LPP: variants seen among roughly 807,000 people sequenced by gnomAD.
The protein encoded by LPP is lipoma-preferred partner.
In LPP, 38 loss-of-function variants were observed where a neutral mutation model predicts 60.4. The observed-to-expected ratio is 0.63, with a 90% CI of 0.49 to 0.83. The LOEUF is 0.83. Among genes scored for constraint, LPP ranks in the 40% least tolerant of loss-of-function variants. The probability of loss-of-function intolerance (pLI) is 0.00; values close to 1 mark genes in which losing one functional copy is unlikely to be tolerated. For synonymous variants in LPP, 328 were observed against 290.8 expected (o/e 1.13, Z -1.30); for missense variants, 902 against 783.6 (o/e 1.15, Z -1.80).
chr3:188,294,572 C>T (rs754443005), intron 2 of LPP, among the ~76,000 whole-genome samples: 2 of 151,778 alleles, frequency 1.3e-5, no homozygotes, highest in African/African-American at 2.4e-5. Flanking sequence ...ACTTCATGCA[C>T]GTTTTTTTCT....
chr3:188,633,267 A>C lies in LPP; in HGVS notation c.1113+23423A>C, dbSNP rs372222593. Reference sequence around the variant, plus strand: ...AGTCTAAACAGAACCCACCCGGGTCACCTCCCACGTCACTGCTAAGACACA... The same window carrying C: ...AGTCTAAACAGAACCCACCCGGGTCCCCTCCCACGTCACTGCTAAGACACA... On this transcript the variant is annotated intron_variant, in intron 7 of 11. Transcript: ENST00000617246. 7.9e-5 allele frequency among the ~76,000 whole-genome samples: 12 copies of C among 152,298 alleles called. 1 individual carries two copies. The highest frequency in any genetic ancestry group is 3.3e-4 in the Admixed American group (5 of 15,296).
chr3:188,317,221 CT>C (rs995497342), intron 2 of LPP, among the ~76,000 whole-genome samples: 19 of 148,650 alleles, frequency 1.3e-4, no homozygotes, highest in African/African-American at 2.2e-4. Context: ...AGTTGGAAAA[CT>C]TTTTTTTTTA....
intron 6 of LPP, among the ~76,000 whole-genome samples, chr3:188,538,598 G>T (rs765315649): frequency 6.6e-6 from 1 of 152,162 alleles, no homozygotes; most frequent in Non-Finnish European, 1.5e-5. Flanking sequence ...TTGTAAAATG[G>T]CATAGCCCTT....
At chr3:188,189,736 C>T (rs959188796) in intron 1 of LPP, among the ~76,000 whole-genome samples, 1 of 152,152 alleles carries the variant, frequency 6.6e-6, no homozygotes, top group Non-Finnish European at 1.5e-5. Context: ...TAGGTCAGAA[C>T]TTGGCAGACA....
At chr3:188,558,078 A>C (rs979803645) in intron 6 of LPP, among the ~76,000 whole-genome samples, 1 of 152,080 alleles carries the variant, frequency 6.6e-6, no homozygotes, top group South Asian at 2.1e-4. Flanking sequence ...TAGTATCTCT[A>C]CCTCAACCAG....
At chr3:188,399,074 A>G (rs1781628715) in intron 3 of LPP, among the ~76,000 whole-genome samples, 1 of 152,224 alleles carries the variant, frequency 6.6e-6, no homozygotes, top group Non-Finnish European at 1.5e-5. Flanking sequence ...AAAGCTTGTG[A>G]GCAGAGTTGT....
At chr3:188,762,740 T>A (rs1732800450) in intron 9 of LPP, among the ~76,000 whole-genome samples, 1 of 151,370 alleles carries the variant, frequency 6.6e-6, no homozygotes, top group East Asian at 2.0e-4. Flanking sequence ...AAGAACTGGG[T>A]GAATTCAAAT....
chr3:188,460,454 T>C (rs1263756773), intron 4 of LPP, among the ~76,000 whole-genome samples: 3 of 152,206 alleles, frequency 2.0e-5, no homozygotes, highest in Non-Finnish European at 4.4e-5. Flanking sequence ...AATCAGGCTT[T>C]GTCCCTTGCA....
At chr3:188,569,144 A>G (rs956432065) in intron 6 of LPP, 4 of 108,766 alleles carry the variant, frequency 3.7e-5, no homozygotes, top group African/African-American at 1.0e-4. Context: ...TGGCACAGAG[A>G]AAGAAAACAG....
intron 9 of LPP, among the ~76,000 whole-genome samples, chr3:188,788,794 C>T (rs774315614): frequency 3.3e-5 from 5 of 152,308 alleles, no homozygotes; most frequent in East Asian, 1.9e-4. Flanking sequence ...CACGCCCCCC[C>T]GGCTCTAAAC....
In LPP at chr3:188,834,120, C is replaced by T. The variant is rs183046345; in HGVS notation, c.1411-32080C>T. On this transcript the variant is annotated intron_variant, in intron 9 of 11. Coordinates refer to ENST00000617246, the MANE Select transcript of LPP (RefSeq NM_001375462.1). ...AACTCTATAGCCTTTGATACTTGGTCCTACAAAGTTTTCTTCCCCTTTGGT... is the reference window on the plus strand; with the variant it reads ...AACTCTATAGCCTTTGATACTTGGTTCTACAAAGTTTTCTTCCCCTTTGGT... Among the ~76,000 whole-genome samples the T allele has an allele frequency of 1.6e-4, 25 of 152,172 alleles. No individual in the cohort carries two copies. The East Asian group carries it at 4.3e-3, about 26-fold the overall frequency.
intron 8 of LPP, among the ~76,000 whole-genome samples, chr3:188,731,857 C>T (rs1720741668): frequency 6.6e-6 from 1 of 152,176 alleles, no homozygotes; most frequent in Non-Finnish European, 1.5e-5. Context: ...TAGGCTCCTC[C>T]TTTCTTCCTT....
intron 2 of LPP, among the ~76,000 whole-genome samples, chr3:188,302,185 C>T (rs976246094): frequency 2.0e-5 from 3 of 152,078 alleles, no homozygotes; most frequent in Non-Finnish European, 2.9e-5. Flanking sequence ...TTTAATTCTC[C>T]CATCCTTCCT....
At chr3:188,874,095 A>G (rs918362787) in intron 11 of LPP, among the ~76,000 whole-genome samples, 2 of 152,150 alleles carry the variant, frequency 1.3e-5, no homozygotes, top group African/African-American at 4.8e-5. Context: ...CCTGTATTTC[A>G]TATCAAGTGA....
At chr3:188,636,526 A>G (rs1000268156) in intron 7 of LPP, among the ~76,000 whole-genome samples, 6 of 152,178 alleles carry the variant, frequency 3.9e-5, no homozygotes, top group African/African-American at 7.2e-5. Flanking sequence ...CAAAGCAGCC[A>G]GGAAGCTCGA....
intron 1 of LPP, among the ~76,000 whole-genome samples, chr3:188,212,007 C>T (rs1711507566): frequency 6.7e-6 from 1 of 149,402 alleles, no homozygotes; most frequent in African/African-American, 2.6e-5. Context: ...TACAGGCACA[C>T]ACCACCATGC....
chr3:188,291,760 T>C (rs1317156832), intron 2 of LPP, among the ~76,000 whole-genome samples: 4 of 152,000 alleles, frequency 2.6e-5, no homozygotes, highest in Non-Finnish European at 5.9e-5. Context: ...CTTTATGACA[T>C]CTCTATGATG....
chr3:188,490,337 T>C (rs1807942967), intron 5 of LPP, among the ~76,000 whole-genome samples: 1 of 152,186 alleles, frequency 6.6e-6, no homozygotes, highest in African/African-American at 2.4e-5. Flanking sequence ...CTCTTGAGCA[T>C]CTATTCTTGT....
intron 10 of LPP, among the ~76,000 whole-genome samples, chr3:188,866,785 A>G (rs889893282): frequency 6.6e-6 from 1 of 152,176 alleles, no homozygotes; most frequent in Admixed American, 6.5e-5. Flanking sequence ...AAGCTCTCTC[A>G]GCTGTGATGA....
Sources: gnomAD v4.1 joint callset for allele counts (sites outside exome capture counted in the v4.1 genomes callset) on GRCh38, gnomAD v4.1.1 for gene constraint, MANE v1.5 for transcripts, NCBI Gene and HGNC (gene_info 2026-07-23, HGNC 2026-07-21) for gene names.